The following KIAA0825 variants were observed in gnomAD, a reference collection of about 807,000 sequenced individuals.
KIAA0825 encodes uncharacterized protein KIAA0825.
In KIAA0825, 119 loss-of-function variants were observed where a neutral mutation model predicts 147.6. The ratio of observed to expected loss-of-function variants is 0.81; its 90% confidence interval spans 0.69 to 0.94. KIAA0825 has a LOEUF of 0.94. Ranked by LOEUF, KIAA0825 falls within the 40% of genes least tolerant of loss-of-function variation. KIAA0825 has a pLI of 0.00. For synonymous variants in KIAA0825, 470 were observed against 518.1 expected, an observed-to-expected ratio of 0.91 and a Z score of 1.26; for missense variants, 1,381 against 1,472.7, an observed-to-expected ratio of 0.94 and a Z score of 1.02.
At chr5:94,324,268 A>G (rs1179185315) in intron 20 of KIAA0825, among the ~76,000 whole-genome samples, 1 of 152,062 alleles carries the variant, frequency 6.6e-6, no homozygotes, top group Non-Finnish European at 1.5e-5. Flanking sequence ...ATGTATGCGA[A>G]CCTCTGAAAA....
chr5:94,178,336 A>G (rs1769297570), intron 20 of KIAA0825, among the ~76,000 whole-genome samples: 3 of 151,986 alleles, frequency 2.0e-5, no homozygotes, highest in Admixed American at 6.6e-5. Context: ...ATTTTAGAAT[A>G]CAGTTAAATA....
chr5:94,263,018 C>T (rs952725197), intron 20 of KIAA0825, among the ~76,000 whole-genome samples: 2 of 152,192 alleles, frequency 1.3e-5, no homozygotes, highest in African/African-American at 2.4e-5. Flanking sequence ...AAGAGGTTCC[C>T]ATTGTCCTCT....
rs1584569180 is a variant in KIAA0825 at position 94,463,951 on chromosome 5, T to A, written c.2063+918A>T. Among the ~76,000 whole-genome samples the A allele has an allele frequency of 2.0e-5, 3 of 150,914 alleles. No homozygotes were observed. In the East Asian group the frequency reaches 5.8e-4, roughly 29 times the overall value. On this transcript the variant is annotated intron_variant, in intron 11 of 20. Coordinates refer to ENST00000682413, the MANE Select transcript of KIAA0825 (RefSeq NM_001145678.3). ...TTTTTAAAAGAGTCTGGTCAGTAAT[T>A]CAAAACAGCCTGTGCAAAATACCAT...
intron 20 of KIAA0825, among the ~76,000 whole-genome samples, chr5:94,163,814 G>A (rs1184398411): frequency 1.3e-5 from 2 of 152,008 alleles, no homozygotes; most frequent in Admixed American, 6.6e-5. Context: ...TTAAAATATG[G>A]TGTTGTATAT....
intron 20 of KIAA0825, among the ~76,000 whole-genome samples, chr5:94,238,297 A>G (rs1209723150): frequency 2.0e-5 from 3 of 152,300 alleles, no homozygotes; most frequent in Non-Finnish European, 4.4e-5. Context: ...TGAATTTTTT[A>G]TAATATGAGG....
chr5:94,471,357 T>C (rs1562530333), intron 9 of KIAA0825, 109 bp downstream of exon 9: 10 of 1,158,940 alleles, frequency 8.6e-6, no homozygotes, highest in Non-Finnish European at 1.2e-5. Flanking sequence ...CCTTGTTAAT[T>C]ATTATTTTCT....
At chr5:94,294,507 C>G (rs975125648) in intron 20 of KIAA0825, among the ~76,000 whole-genome samples, 2 of 152,190 alleles carry the variant, frequency 1.3e-5, no homozygotes, top group South Asian at 4.1e-4. Flanking sequence ...GTGGGTGGAT[C>G]ACGAGGTCAG....
At chr5:94,221,722 TCTGGGAATGAGGCATCTA>T (rs1214126739) in intron 20 of KIAA0825, among the ~76,000 whole-genome samples, 1 of 152,174 alleles carries the variant, frequency 6.6e-6, no homozygotes, top group Non-Finnish European at 1.5e-5. Flanking sequence ...CTAAGTAGTC[TCTGGGAATGAGGCATCTA>T]TGTCCTTATT....
chr5:94,503,481 C>A (rs1765337036), intron 5 of KIAA0825, among the ~76,000 whole-genome samples: 1 of 152,092 alleles, frequency 6.6e-6, no homozygotes, highest in South Asian at 2.1e-4. Context: ...GGTCCCATTC[C>A]CTCCCTCATG....
rs796838932 is a variant in KIAA0825, at chr5:94,306,368, A to G, written c.3710+78000T>C. Among the ~76,000 whole-genome samples, 6 of 151,990 alleles carry G rather than the reference A, an allele frequency of 3.9e-5. 1 individual carries two copies. Among genetic ancestry groups the G allele is most frequent in the South Asian group, 4.1e-4 (2 of 4,828 alleles). Reference sequence around the variant, plus strand: ...TACATTGGAAGATGATACATTGGAAAAGATATGCCCTCATCATTTAAAAAT... The same window carrying G: ...TACATTGGAAGATGATACATTGGAAGAGATATGCCCTCATCATTTAAAAAT... On this transcript the variant is annotated intron_variant, in intron 20 of 20. Transcript: ENST00000682413.
At chr5:94,546,280 G>A (rs1774340412) in intron 2 of KIAA0825, among the ~76,000 whole-genome samples, 1 of 152,162 alleles carries the variant, frequency 6.6e-6, no homozygotes, top group African/African-American at 2.4e-5. Flanking sequence ...CCCACCTACA[G>A]CGTGGGGGAA....
At chr5:94,351,332 AAACAAC>A (rs138236479) in intron 20 of KIAA0825, among the ~76,000 whole-genome samples, 4 of 152,150 alleles carry the variant, frequency 2.6e-5, no homozygotes, top group African/African-American at 9.6e-5. Context: ...ATAGCTGAAA[AAACAAC>A]AACAACAACA....
intron 20 of KIAA0825, among the ~76,000 whole-genome samples, chr5:94,239,348 G>A (rs1775229756): frequency 6.6e-6 from 1 of 152,166 alleles, no homozygotes; most frequent in Admixed American, 6.5e-5. Context: ...CTGTGTAAAT[G>A]AATAGGTTGT....
chr5:94,513,265 A>G (rs1766763857), intron 5 of KIAA0825, among the ~76,000 whole-genome samples: 1 of 152,194 alleles, frequency 6.6e-6, no homozygotes, highest in Non-Finnish European at 1.5e-5. Flanking sequence ...AATCTTTTAA[A>G]AAGTTTTTCA....
intron 20 of KIAA0825, among the ~76,000 whole-genome samples, chr5:94,261,491 T>C (rs928130589): frequency 2.0e-5 from 3 of 152,104 alleles, no homozygotes; most frequent in Non-Finnish European, 2.9e-5. Context: ...CCCAGTTGCA[T>C]TGAGAAAGGC....
At chr5:94,453,627 T>A (rs544367248) in intron 12 of KIAA0825, among the ~76,000 whole-genome samples, 11 of 152,174 alleles carry the variant, frequency 7.2e-5, no homozygotes, top group Non-Finnish European at 1.6e-4. Flanking sequence ...CAAGTTGAGA[T>A]TTAGAATTTT....
At chr5:94,488,123 C>T (rs1201074068) in intron 5 of KIAA0825, among the ~76,000 whole-genome samples, 2 of 152,180 alleles carry the variant, frequency 1.3e-5, no homozygotes, top group Non-Finnish European at 2.9e-5. Flanking sequence ...GGTATTTCTC[C>T]ATGTTGCCCA....
chr5:94,163,808 A>T (rs1054279540), intron 20 of KIAA0825, among the ~76,000 whole-genome samples: 1 of 152,162 alleles, frequency 6.6e-6, no homozygotes, highest in Non-Finnish European at 1.5e-5. Flanking sequence ...CATTTCTTAA[A>T]ATATGGTGTT....
At chr5:94,303,344 C>T (rs888954231) in intron 20 of KIAA0825, among the ~76,000 whole-genome samples, 2 of 151,830 alleles carry the variant, frequency 1.3e-5, no homozygotes. Flanking sequence ...AGTATTAAAA[C>T]ATATATTACT....
Sources: allele counts gnomAD v4.1 joint callset (sites outside exome capture counted in the v4.1 genomes callset), GRCh38; gene constraint gnomAD v4.1.1; transcripts MANE v1.5; gene names NCBI Gene and HGNC (gene_info 2026-07-23, HGNC 2026-07-21).